Variants in ZNF705B observed in about 807,000 individuals in gnomAD.
ZNF705B encodes Putative zinc finger protein 705D-like protein LOC100132396.
A neutral mutation model predicts 10.5 loss-of-function variants in ZNF705B; 1 was observed. The observed-to-expected ratio is 0.10, with a 90% CI of 0.03 to 0.45. The LOEUF is 0.45. ZNF705B is among the 20% of genes least tolerant of loss of function. ZNF705B has a pLI of 0.97. For synonymous variants in ZNF705B, 4 were observed against 25.4 expected (o/e 0.16, Z 2.53); for missense variants, 14 against 84.0 (o/e 0.17, Z 3.26).
At chr8:7,935,268 C>A (rs1180317828) in intron 2 of ZNF705B, among the ~76,000 whole-genome samples, 1 of 135,270 alleles carries the variant, frequency 7.4e-6, no homozygotes, top group Non-Finnish European at 1.7e-5. Flanking sequence ...TCTCTAGAAA[C>A]CATTGCATAT....
intron 2 of ZNF705B, among the ~76,000 whole-genome samples, chr8:7,932,399 T>C (rs1295089402): frequency 1.2e-4 from 14 of 121,150 alleles, no homozygotes; most frequent in African/African-American, 1.8e-4. Flanking sequence ...TCTTGGTCTT[T>C]CTTTGGGAGG....
intron 2 of ZNF705B, among the ~76,000 whole-genome samples, chr8:7,944,710 C>T (rs1820210014): frequency 1.1e-5 from 1 of 88,708 alleles, no homozygotes; most frequent in Non-Finnish European, 2.5e-5. Context: ...GTGGCTTACG[C>T]CTGTAATCCC....
At chr8:7,927,496 AC>A (rs1221394402) in intron 1 of ZNF705B, among the ~76,000 whole-genome samples, 2 of 120,634 alleles carry the variant, frequency 1.7e-5, no homozygotes, top group Non-Finnish European at 4.0e-5. Flanking sequence ...TCCTTTGCCC[AC>A]TTTTTGATGG....
chr8:7,931,495 C>A (rs1419605240), intron 2 of ZNF705B, among the ~76,000 whole-genome samples: 1 of 122,082 alleles, frequency 8.2e-6, no homozygotes, highest in Non-Finnish European at 2.0e-5. Context: ...GCTGGGTGGG[C>A]TCATACTCAG....
chr8:7,935,624 T>C (rs1376590959), intron 2 of ZNF705B, among the ~76,000 whole-genome samples: 1 of 121,808 alleles, frequency 8.2e-6, no homozygotes, highest in African/African-American at 2.6e-5. Context: ...AATCCAAATG[T>C]ATTAGATTCC....
intron 2 of ZNF705B, among the ~76,000 whole-genome samples, chr8:7,937,960 A>G (rs1820059664): frequency 8.4e-6 from 1 of 118,598 alleles, no homozygotes; most frequent in East Asian, 2.4e-4. Flanking sequence ...TTGAATACAC[A>G]TGTTCAGGAG....
intron 1 of ZNF705B, among the ~76,000 whole-genome samples, chr8:7,929,118 T>A (rs1398807441): frequency 1.6e-5 from 2 of 121,572 alleles, no homozygotes; most frequent in Non-Finnish European, 4.0e-5. Context: ...GAATTTAACC[T>A]CTCCTTAATG....
rs375903259 is a variant in ZNF705B, at chr8:7,932,458, G to A, written c.-72+2022G>A. Among the ~76,000 whole-genome samples, 13 of 121,514 alleles carry A rather than the reference G, an allele frequency of 1.1e-4. 3 individuals are homozygous for A. The East Asian group carries it at 2.1e-3, about 20-fold the overall frequency. 79.7% of individuals were successfully genotyped at this position (121,514 alleles called of 152,430 possible). On this transcript the variant is annotated intron_variant, in intron 2 of 6. Transcript: ENST00000400120. ...CAGCCATCTTGAAGGCCACCTCCTA[G>A]CAATGAGAGGATAATATTCTATGTG...
Position 7,944,582 on chromosome 8 carries a change from TAAG to T in ZNF705B, c.-71-2765_-71-2763del, listed in dbSNP as rs949357960. Among the ~76,000 whole-genome samples, 362 of 75,250 alleles carry T rather than the reference TAAG, an allele frequency of 4.8e-3. 36 individuals carry two copies. Among genetic ancestry groups the T allele is most frequent in the Non-Finnish European group, 8.5e-3 (287 of 33,674 alleles). 49.4% of individuals were successfully genotyped at this position (75,250 alleles called of 152,430 possible). ...TGTGTCTAAATAGCCGTGAAAGGGC[TAAG>T]AAGTCACAAGTTGGCCTCTTAATTT... On this transcript the variant is annotated intron_variant, in intron 2 of 6. Transcript: ENST00000400120.
At position 7,931,078 on chromosome 8, in the gene ZNF705B, C is replaced by A. The variant is rs575020506; in HGVS notation, c.-72+642C>A. On this transcript the variant is annotated intron_variant, in intron 2 of 6. Transcript: ENST00000400120. ...ATGTTGGTCAGGCTGGTCTTGAACT[C>A]CCGACCTCGGGTGATCTGCCCCCCT... Among the ~76,000 whole-genome samples the A allele has an allele frequency of 4.8e-4, 58 of 119,796 alleles. 7 individuals carry two copies. The highest frequency in any genetic ancestry group is 3.2e-3 in the Admixed American group (34 of 10,490). The allele number at this position is 119,796 out of a possible 152,430, so 78.6% of individuals were successfully genotyped here.
rs1234992802 is a variant in ZNF705B at position 7,931,260 on chromosome 8, G to A, written c.-72+824G>A. 1.3e-4 allele frequency among the ~76,000 whole-genome samples: 16 copies of A among 121,092 alleles called. 1 individual carries two copies. Among genetic ancestry groups the A allele is most frequent in the African/African-American group, 2.8e-4 (11 of 39,728 alleles). The allele number at this position is 121,092 out of a possible 152,430, so 79.4% of individuals were successfully genotyped here. A position where few individuals can be genotyped will look rare whatever the true frequency, so the allele number is the denominator to read the frequency against. ...CAGTAGTCATAGCAGGTCAACTCTC[G>A]TGACCCCAGATGGCATGTGCAGACA... On this transcript the variant is annotated intron_variant, in intron 2 of 6. Transcript: ENST00000400120.
At chr8:7,932,290 T>C (rs1819870756) in intron 2 of ZNF705B, among the ~76,000 whole-genome samples, 1 of 121,016 alleles carries the variant, frequency 8.3e-6, no homozygotes, top group Non-Finnish European at 2.0e-5. Flanking sequence ...CTGCTTCATT[T>C]TCCTTTCCTT....
intron 1 of ZNF705B, among the ~76,000 whole-genome samples, chr8:7,927,781 A>G (rs1819738848): frequency 6.8e-6 from 1 of 148,014 alleles, no homozygotes; most frequent in Non-Finnish European, 1.5e-5. Flanking sequence ...ACAAAAAAAA[A>G]TTGTCTCTAT....
At position 7,948,207 on chromosome 8, in the gene ZNF705B, C is replaced by T. The variant is rs868823834; in HGVS notation, c.12+774C>T. ...TACAATTTAGGGTTCTGTGGAAATGCTTTATAAGGGCTGGTTACAAAAAAA... is the reference window on the plus strand; with the variant it reads ...TACAATTTAGGGTTCTGTGGAAATGTTTTATAAGGGCTGGTTACAAAAAAA... On this transcript the variant is annotated intron_variant, in intron 3 of 6. Coordinates refer to ENST00000400120, the MANE Select transcript of ZNF705B (RefSeq NM_001193630.1). Among the ~76,000 whole-genome samples, 8 of 17,662 alleles carry T rather than the reference C, an allele frequency of 4.5e-4. 2 individuals are homozygous for T. The highest frequency in any genetic ancestry group is 1.3e-3 in the Non-Finnish European group (5 of 3,718). The allele number at this position is 17,662 out of a possible 152,430, so 11.6% of individuals were successfully genotyped here.
In ZNF705B at chr8:7,926,835, T is replaced by G. The variant is rs1207681037; in HGVS notation, c.-222+438T>G. 1.9e-4 allele frequency among the ~76,000 whole-genome samples: 22 copies of G among 116,212 alleles called. 2 individuals are homozygous for G. Among genetic ancestry groups the G allele is most frequent in the African/African-American group, 4.9e-4 (19 of 38,820 alleles). The allele number at this position is 116,212 out of a possible 152,430, so 76.2% of individuals were successfully genotyped here. ...CTGTCAAACACACAGAACTAGTTTATCTCACTAGAGATGTGTTCCTTTATT... is the reference window on the plus strand; with the variant it reads ...CTGTCAAACACACAGAACTAGTTTAGCTCACTAGAGATGTGTTCCTTTATT... On this transcript the variant is annotated intron_variant, in intron 1 of 6. Coordinates refer to ENST00000400120, the MANE Select transcript of ZNF705B (RefSeq NM_001193630.1).
chr8:7,930,847 T>G (rs1249796203), intron 2 of ZNF705B, among the ~76,000 whole-genome samples: 5 of 73,522 alleles, frequency 6.8e-5, no homozygotes, highest in East Asian at 3.3e-4. Context: ...ATTTTTTTTG[T>G]TTTTTTTTTT....
At chr8:7,937,174 G>A (rs1204466698) in intron 2 of ZNF705B, among the ~76,000 whole-genome samples, 30 of 117,312 alleles carry the variant, frequency 2.6e-4, no homozygotes, top group Non-Finnish European at 5.7e-4. Flanking sequence ...CAGTGATCGA[G>A]TGAAGCAGAT....
intron 2 of ZNF705B, among the ~76,000 whole-genome samples, chr8:7,937,458 T>A (rs1820046858): frequency 9.4e-6 from 1 of 106,466 alleles, no homozygotes; most frequent in South Asian, 3.6e-4. Context: ...GTTGCTTCTA[T>A]TTTGATTGAG....
intron 2 of ZNF705B, among the ~76,000 whole-genome samples, chr8:7,932,301 C>A (rs1213770512): frequency 4.1e-5 from 5 of 121,034 alleles, no homozygotes; most frequent in Non-Finnish European, 2.0e-5. Context: ...TCCTTTCCTT[C>A]CATGCCTCAG....
Sources: allele counts gnomAD v4.1 joint callset (sites outside exome capture counted in the v4.1 genomes callset), GRCh38; gene constraint gnomAD v4.1.1; transcripts MANE v1.5; gene names NCBI Gene and HGNC (gene_info 2026-07-23, HGNC 2026-07-21).